Variants in SLC12A7 observed in about 807,000 individuals in gnomAD.
SLC12A7 encodes K-Cl cotransporter 4.
Under a neutral mutation model 120.6 loss-of-function variants are expected in SLC12A7, and 100 were observed. The observed-to-expected ratio is 0.83, with a 90% CI of 0.71 to 0.98. SLC12A7 has a LOEUF of 0.98. Among genes scored for constraint, SLC12A7 ranks in the 50% least tolerant of loss-of-function variants. The pLI is 0.00. For missense variants in SLC12A7, 1,373 were observed against 1,548.1 expected, an observed-to-expected ratio of 0.89 and a Z score of 1.90; for synonymous variants, 760 against 678.0, an observed-to-expected ratio of 1.12 and a Z score of -1.88.
intron 1 of SLC12A7, among the ~76,000 whole-genome samples, chr5:1,099,099 G>T (rs1364723403): frequency 6.6e-6 from 1 of 152,142 alleles, no homozygotes; most frequent in Non-Finnish European, 1.5e-5. Context: ...GGTCCCGGTG[G>T]TGCCCCTGCC....
the SLC12A7 span, among the ~76,000 whole-genome samples, chr5:1,126,808 C>T: frequency 4.6e-5 from 7 of 152,274 alleles, no homozygotes; most frequent in South Asian, 8.3e-4. Context: ...CAGCTGAAAC[C>T]GTGCTTAAGG....
At chr5:1,084,237 C>T (rs377499467) in intron 7 of SLC12A7, among the ~76,000 whole-genome samples, 6 of 152,318 alleles carry the variant, frequency 3.9e-5, no homozygotes, top group African/African-American at 1.4e-4. Flanking sequence ...GTACAGCCGT[C>T]CCCTCATCCA....
chr5:1,078,881 G>A (rs371519023), intron 10 of SLC12A7, 123 bp from the exon 11 acceptor site: 97 of 740,450 alleles, frequency 1.3e-4, no homozygotes, highest in Admixed American at 4.6e-4. Context: ...GGATCCAGGT[G>A]GGCGGGGACC....
the SLC12A7 span, among the ~76,000 whole-genome samples, chr5:1,120,405 A>G: frequency 2.0e-5 from 3 of 152,222 alleles, no homozygotes; most frequent in Admixed American, 6.5e-5. Context: ...TTGAACTAAC[A>G]TGGAGGAGCA....
intron 7 of SLC12A7, among the ~76,000 whole-genome samples, chr5:1,084,578 G>A (rs977442570): frequency 1.9e-4 from 29 of 152,356 alleles, no homozygotes; most frequent in African/African-American, 5.5e-4. Flanking sequence ...ATCGGCAGGG[G>A]GTCTCAGGAC....
rs1740187445 is a variant in SLC12A7, at chr5:1,088,927, C to T, written c.489+55G>A. ...GAGACGGCATCTGGGGAGAGCCCTA[C>T]TGTCCAGCTGCCACCGCCCGAAGGC... On this transcript the variant is annotated intron_variant, in intron 4 of 23. Coordinates refer to ENST00000264930, the MANE Select transcript of SLC12A7 (RefSeq NM_006598.3). 8.1e-6 allele frequency: 13 copies of T among 1,606,596 alleles called. 1 individual carries two copies. In the Admixed American group the frequency reaches 1.8e-4, roughly 23 times the overall value.
chr5:1,057,151 G>A (rs1406430652), intron 22 of SLC12A7: 4 of 293,626 alleles, frequency 1.4e-5, no homozygotes, highest in Admixed American at 5.1e-5. Context: ...ACCCCTCAGC[G>A]CTTGGCACTA....
chr5:1,057,378 G>A, intron 22 of SLC12A7, 93 bp downstream of exon 22: 1 of 1,342,540 alleles, frequency 7.4e-7, no homozygotes, highest in Middle Eastern at 2.1e-4. Context: ...TTGCCCCGAA[G>A]CTCTTCAGTG....
chr5:1,092,891 G>A (rs1740678590), intron 3 of SLC12A7, among the ~76,000 whole-genome samples: 2 of 152,284 alleles, frequency 1.3e-5, no homozygotes, highest in South Asian at 4.1e-4. Context: ...TCTCGCCTGT[G>A]AGCGTCACCT....
intron 1 of SLC12A7, among the ~76,000 whole-genome samples, chr5:1,108,287 G>A (rs762612593): frequency 1.3e-5 from 2 of 152,216 alleles, no homozygotes; most frequent in Non-Finnish European, 2.9e-5. Flanking sequence ...TATGTCAGGC[G>A]CAGGAGGAAG....
chr5:1,149,899 G>T, the SLC12A7 span, among the ~76,000 whole-genome samples: 1 of 151,986 alleles, frequency 6.6e-6, no homozygotes, highest in Non-Finnish European at 1.5e-5. Context: ...GCATGGTGGT[G>T]CACGCCTGCA....
chr5:1,135,764 T>C, the SLC12A7 span, among the ~76,000 whole-genome samples: 123 of 152,308 alleles, frequency 8.1e-4, no homozygotes, highest in African/African-American at 2.6e-3. Context: ...TCCCTCGCCC[T>C]GGTAAGGGCA....
the SLC12A7 span, among the ~76,000 whole-genome samples, chr5:1,123,955 C>A: frequency 6.6e-6 from 1 of 152,184 alleles, no homozygotes; most frequent in Non-Finnish European, 1.5e-5. Flanking sequence ...CGAGGTCAGG[C>A]CAATACGCTA....
chr5:1,093,473 T>TCTAACCCTGCC, intron 3 of SLC12A7, 60 bp downstream of exon 3: 2 of 1,026,298 alleles, frequency 1.9e-6, no homozygotes, highest in Non-Finnish European at 2.7e-6. Context: ...GCCGGCGTGA[T>TCTAACCCTGCC]CTAACCCTGC....
At chr5:1,144,283 A>G in the SLC12A7 span, among the ~76,000 whole-genome samples, 20,790 of 152,246 alleles carry the variant, frequency 0.14, 1,570 homozygotes, top group Middle Eastern at 0.23. Flanking sequence ...AGCTCCCACA[A>G]GGCAGGGGCC....
intron 21 of SLC12A7, 54 bp downstream of exon 21, chr5:1,060,290 A>G (rs1208745483): frequency 1.5e-6 from 2 of 1,352,750 alleles, no homozygotes; most frequent in Admixed American, 1.7e-5. Flanking sequence ...GACTCGGCGA[A>G]GTCGGCTATA....
At chr5:1,149,219 C>A in the SLC12A7 span, among the ~76,000 whole-genome samples, 1 of 151,168 alleles carries the variant, frequency 6.6e-6, no homozygotes, top group East Asian at 1.9e-4. Context: ...TTTACATTCC[C>A]ACAAGCAGCG....
At chr5:1,081,777 G>T in intron 8 of SLC12A7, 33 bp from the exon 9 acceptor site, 1 of 1,598,426 alleles carries the variant, frequency 6.3e-7, no homozygotes, top group Non-Finnish European at 8.5e-7. Flanking sequence ...TGGGTTTCTG[G>T]CACCTTCTGT....
At chr5:1,095,046 G>GAGGCGGGGGCGGTAGC (rs1740978925) in intron 1 of SLC12A7, among the ~76,000 whole-genome samples, 1 of 146,824 alleles carries the variant, frequency 6.8e-6, no homozygotes, top group Non-Finnish European at 1.5e-5. Context: ...GGGCCGGTAG[G>GAGGCGGGGGCGGTAGC]AGGCGGGGCC....
Sources: gnomAD v4.1 joint callset for allele counts (sites outside exome capture counted in the v4.1 genomes callset) on GRCh38, gnomAD v4.1.1 for gene constraint, MANE v1.5 for transcripts, NCBI Gene and HGNC (gene_info 2026-07-23, HGNC 2026-07-21) for gene names.